KCND3: variants seen among roughly 807,000 people sequenced by gnomAD.
The protein encoded by KCND3 is potassium voltage-gated channel subfamily D member 3, also known as A-type voltage-gated potassium channel KCND3.
In KCND3, 9 loss-of-function variants were observed where a neutral mutation model predicts 51.1. That is an observed-to-expected ratio of 0.18 (90% CI 0.11 to 0.31). The LOEUF is 0.31. Ranked by LOEUF, KCND3 falls within the 10% of genes least tolerant of loss-of-function variation. The probability of loss-of-function intolerance (pLI) is 1.00; values close to 1 mark genes in which losing one functional copy is unlikely to be tolerated. For missense variants in KCND3, 526 were observed against 903.8 expected (o/e 0.58, Z 5.36); for synonymous variants, 349 against 368.0 (o/e 0.95, Z 0.59).
rs1044934749 is a variant in KCND3 at position 111,982,885 on chromosome 1, A to G, written c.-72-87T>C. On this transcript the variant is annotated intron_variant, in intron 1 of 7. Coordinates refer to ENST00000302127, the MANE Select transcript of KCND3 (RefSeq NM_001378969.1). This position sits in a 1 kb window ranked among gnomAD's most constrained non-coding sequence, Gnocchi z 8.5. ...GGGACACAGGAAAGGATCACTGGTGAGTGAAACGGCCAAAGTCTCCAGGGC... is the reference window on the plus strand; with the variant it reads ...GGGACACAGGAAAGGATCACTGGTGGGTGAAACGGCCAAAGTCTCCAGGGC... 1 of 1,036,922 alleles carries G rather than the reference A, an allele frequency of 9.6e-7. No individual in the cohort carries two copies. The highest frequency in any genetic ancestry group is 1.6e-5 in the African/African-American group (1 of 63,592). The allele number at this position is 1,036,922 out of a possible 1,614,324, so 64.2% of individuals were successfully genotyped here.
intron 2 of KCND3, among the ~76,000 whole-genome samples, chr1:111,830,707 A>G (rs1666797065): frequency 6.6e-6 from 1 of 152,260 alleles, no homozygotes; most frequent in Non-Finnish European, 1.5e-5. Context: ...AATTCATTAA[A>G]GAGATTTTCA....
At chr1:111,921,853 C>T (rs1671489001) in intron 2 of KCND3, among the ~76,000 whole-genome samples, 1 of 152,106 alleles carries the variant, frequency 6.6e-6, no homozygotes, top group South Asian at 2.1e-4. Flanking sequence ...CTTGCCTTTT[C>T]TAAAACTGTT....
At chr1:111,852,320 C>G (rs1667853712) in intron 2 of KCND3, among the ~76,000 whole-genome samples, 1 of 152,230 alleles carries the variant, frequency 6.6e-6, no homozygotes, top group African/African-American at 2.4e-5. Context: ...TTCAAGGCAG[C>G]CTGCAGCCCT....
intron 2 of KCND3, among the ~76,000 whole-genome samples, chr1:111,861,165 G>C (rs1022229908): frequency 9.9e-5 from 15 of 152,162 alleles, no homozygotes; most frequent in African/African-American, 3.6e-4. Context: ...AAGGAGGAAG[G>C]GGGGCGGGGC....
Position 111,889,276 on chromosome 1 carries a change from C to T in KCND3, c.1106+92345G>A, listed in dbSNP as rs536084147. Among the ~76,000 whole-genome samples, 7 of 152,352 alleles carry T rather than the reference C, an allele frequency of 4.6e-5. No homozygotes were observed. The South Asian group carries it at 1.0e-3, about 23-fold the overall frequency. ...TGGGTCTGCCCCATGGACTGAGTGA[C>T]GGCCCCTGGCCCTGCTAAAGCAGGG... On this transcript the variant is annotated intron_variant, in intron 2 of 7. Coordinates refer to ENST00000302127, the MANE Select transcript of KCND3 (RefSeq NM_001378969.1).
intron 2 of KCND3, among the ~76,000 whole-genome samples, chr1:111,883,532 A>T (rs1008387250): frequency 3.9e-5 from 6 of 152,162 alleles, no homozygotes; most frequent in Admixed American, 3.9e-4. Context: ...TTTAATATTC[A>T]CTGCCATTTA....
intron 2 of KCND3, among the ~76,000 whole-genome samples, chr1:111,865,524 G>C (rs1668516887): frequency 2.0e-5 from 3 of 152,138 alleles, no homozygotes; most frequent in Admixed American, 2.0e-4. Flanking sequence ...AGGGGTCAGG[G>C]TCCTGGGAAG....
At chr1:111,976,231 C>T (rs181189644) in intron 2 of KCND3, among the ~76,000 whole-genome samples, 170 of 152,280 alleles carry the variant, frequency 1.1e-3, no homozygotes, top group Non-Finnish European at 2.0e-3. Flanking sequence ...CTCCCCTTCT[C>T]CTCCTCCCTG....
At chr1:111,815,211 C>T (rs532439320) in intron 2 of KCND3, among the ~76,000 whole-genome samples, 3 of 152,252 alleles carry the variant, frequency 2.0e-5, no homozygotes, top group South Asian at 4.2e-4. Flanking sequence ...TCTCAGCTCT[C>T]GGAGGGCTGA....
At position 111,847,189 on chromosome 1, in the gene KCND3, A is replaced by T. The variant is rs527912261; in HGVS notation, c.1107-60083T>A. On this transcript the variant is annotated intron_variant, in intron 2 of 7. Coordinates refer to ENST00000302127, the MANE Select transcript of KCND3 (RefSeq NM_001378969.1). Reference sequence around the variant, plus strand: ...CGGGAAGATGCTCTCCAGCAGGCGAAGGAGGGGCAGCAGGGCCATCTTCCT... The same window carrying T: ...CGGGAAGATGCTCTCCAGCAGGCGATGGAGGGGCAGCAGGGCCATCTTCCT... Among the ~76,000 whole-genome samples the T allele has an allele frequency of 5.3e-5, 8 of 152,338 alleles. No individual in the cohort carries two copies. The South Asian group carries it at 1.7e-3, about 32-fold the overall frequency.
intron 3 of KCND3, among the ~76,000 whole-genome samples, chr1:111,784,103 TCACACACACACACACACA>T (rs369429634): frequency 8.5e-6 from 1 of 117,482 alleles, no homozygotes; most frequent in African/African-American, 2.9e-5. Flanking sequence ...CATTAACTTA[TCACACACACACACACACA>T]CACACACACA....
intron 2 of KCND3, among the ~76,000 whole-genome samples, chr1:111,822,384 G>A (rs183403377): frequency 5.1e-4 from 78 of 152,022 alleles, no homozygotes; most frequent in Admixed American, 4.1e-3. Context: ...TTCTTGCCCC[G>A]CCGGTAACCA....
intron 2 of KCND3, among the ~76,000 whole-genome samples, chr1:111,852,831 G>A (rs1044595913): frequency 1.3e-5 from 2 of 152,182 alleles, no homozygotes; most frequent in African/African-American, 2.4e-5. Flanking sequence ...TCAGGCAGGT[G>A]GGCTTGCCTA....
At chr1:111,828,645 A>T (rs1666686895) in intron 2 of KCND3, among the ~76,000 whole-genome samples, 1 of 152,134 alleles carries the variant, frequency 6.6e-6, no homozygotes, top group Non-Finnish European at 1.5e-5. Flanking sequence ...GAGCTCTGGG[A>T]TCTGCTATGC....
intron 2 of KCND3, among the ~76,000 whole-genome samples, chr1:111,980,746 C>A (rs965530331): frequency 3.9e-5 from 6 of 152,182 alleles, no homozygotes; most frequent in African/African-American, 1.4e-4. Context: ...AGACTGTAAT[C>A]TCCTTCCTGA....
intron 5 of KCND3, among the ~76,000 whole-genome samples, chr1:111,779,811 CT>C (rs1664293389): frequency 1.3e-5 from 2 of 152,206 alleles, no homozygotes; most frequent in Non-Finnish European, 2.9e-5. Context: ...GGCCCACAGG[CT>C]GCATCAACCC....
intron 2 of KCND3, among the ~76,000 whole-genome samples, chr1:111,920,111 C>T (rs545537046): frequency 6.6e-6 from 1 of 152,202 alleles, no homozygotes; most frequent in African/African-American, 2.4e-5. Flanking sequence ...GGGAGAGAAC[C>T]CCACCTGGCC....
At chr1:111,944,424 G>A (rs4839190) in intron 2 of KCND3, among the ~76,000 whole-genome samples, 48,596 of 152,092 alleles carry the variant, frequency 0.32, 8,041 homozygotes, top group East Asian at 0.54. Flanking sequence ...GACCCCCAAG[G>A]AGGCCCTTCC....
chr1:111,865,056 G>A (rs1354445410), intron 2 of KCND3, among the ~76,000 whole-genome samples: 1 of 152,206 alleles, frequency 6.6e-6, no homozygotes, highest in Non-Finnish European at 1.5e-5. Flanking sequence ...CTTCATCTTG[G>A]TCTGAAAGTG....
Sources: allele counts gnomAD v4.1 joint callset (sites outside exome capture counted in the v4.1 genomes callset), GRCh38; gene constraint gnomAD v4.1.1; non-coding constraint Gnocchi (gnomAD v3.1); transcripts MANE v1.5; gene names NCBI Gene and HGNC (gene_info 2026-07-23, HGNC 2026-07-21).